The following RUNDC3B variants were observed in gnomAD, a reference collection of about 807,000 sequenced individuals.
The protein encoded by RUNDC3B is RUN domain-containing protein 3B.
In RUNDC3B, 33 loss-of-function variants were observed where a neutral mutation model predicts 58.4. The ratio of observed to expected loss-of-function variants is 0.56; its 90% CI spans 0.43 to 0.75. The LOEUF (loss-of-function observed/expected upper bound fraction) is 0.75, where lower values mean the gene tolerates loss of function less well. Among genes scored for constraint, RUNDC3B ranks in the 30% least tolerant of loss-of-function variants. The pLI, the probability that RUNDC3B is intolerant of heterozygous loss-of-function variation, is 0.00. For synonymous variants in RUNDC3B, 193 were observed against 195.2 expected, an observed-to-expected ratio of 0.99 and a Z score of 0.10; for missense variants, 501 against 535.7, an observed-to-expected ratio of 0.94 and a Z score of 0.64.
chr7:87,741,300 A>G (rs1232219207), intron 5 of RUNDC3B, among the ~76,000 whole-genome samples, 199 bp from the exon 6 acceptor site: 1 of 152,216 alleles, frequency 6.6e-6, no homozygotes, highest in African/African-American at 2.4e-5. Context: ...TAATTTGTAC[A>G]ATGCCTTGTC....
chr7:87,701,865 C>T (rs981748072), intron 3 of RUNDC3B, among the ~76,000 whole-genome samples: 37 of 152,006 alleles, frequency 2.4e-4, no homozygotes, highest in African/African-American at 6.8e-4. Flanking sequence ...AGATACTGGC[C>T]GGGCGCGGTG....
intron 8 of RUNDC3B, among the ~76,000 whole-genome samples, chr7:87,784,829 C>G (rs2130895254): frequency 6.6e-6 from 1 of 152,092 alleles, no homozygotes; most frequent in East Asian, 2.0e-4. Context: ...CCCCTCCTAT[C>G]ATGGATGTCC....
chr7:87,653,389 A>G (rs1003661499), intron 2 of RUNDC3B, among the ~76,000 whole-genome samples: 7 of 152,128 alleles, frequency 4.6e-5, no homozygotes, highest in East Asian at 1.9e-4. Flanking sequence ...ATTGCAACCT[A>G]TTCAAAACTC....
At chr7:87,807,271 A>G (rs1322578930) in intron 8 of RUNDC3B, 102 bp from the exon 9 acceptor site, 4 of 1,114,400 alleles carry the variant, frequency 3.6e-6, no homozygotes, top group Admixed American at 4.3e-5. Context: ...TAACAAACCA[A>G]TTTTATAAGA....
At chr7:87,819,003 A>G (rs1837243197) in intron 10 of RUNDC3B, among the ~76,000 whole-genome samples, 1 of 152,182 alleles carries the variant, frequency 6.6e-6, no homozygotes, top group African/African-American at 2.4e-5. Context: ...GGAACGAGCT[A>G]TGGGGAGTCT....
chr7:87,635,250 A>G (rs1019052394), intron 1 of RUNDC3B, among the ~76,000 whole-genome samples: 4 of 152,114 alleles, frequency 2.6e-5, no homozygotes, highest in South Asian at 2.1e-4. Context: ...TCTATCCCCA[A>G]CTGCTTTTAC....
chr7:87,812,126 T>G (rs1836753658), intron 9 of RUNDC3B, among the ~76,000 whole-genome samples: 1 of 152,182 alleles, frequency 6.6e-6, no homozygotes, highest in South Asian at 2.1e-4. Flanking sequence ...ATATAAAATA[T>G]AAGATTGTAG....
chr7:87,822,886 T>C lies in RUNDC3B; in HGVS notation c.1225+6624T>C, dbSNP rs568944891. 3.9e-5 allele frequency among the ~76,000 whole-genome samples: 6 copies of C among 152,062 alleles called. No individual in the cohort carries two copies. The East Asian group carries it at 1.2e-3, about 29-fold the overall frequency. ...GGGAACATCACACTCCAGGGACTGTTGTGGGGTAGGGGTAGTGGGGAGGGA... is the reference window on the plus strand; with the variant it reads ...GGGAACATCACACTCCAGGGACTGTCGTGGGGTAGGGGTAGTGGGGAGGGA... On this transcript the variant is annotated intron_variant, in intron 10 of 10. Transcript: ENST00000394654.
intron 6 of RUNDC3B, among the ~76,000 whole-genome samples, chr7:87,768,203 G>A (rs1834080690): frequency 1.3e-5 from 2 of 152,302 alleles, no homozygotes; most frequent in Non-Finnish European, 2.9e-5. Flanking sequence ...GAAGGGCACA[G>A]TCACCCATCT....
chr7:87,709,470 A>C, intron 3 of RUNDC3B: 1 of 985,424 alleles, frequency 1.0e-6, no homozygotes, highest in Non-Finnish European at 1.2e-6. Flanking sequence ...GGAACAATGG[A>C]CTGAGCACAG....
intron 2 of RUNDC3B, among the ~76,000 whole-genome samples, chr7:87,694,758 G>T (rs761470632): frequency 2.6e-5 from 4 of 151,780 alleles, no homozygotes; most frequent in African/African-American, 4.8e-5. Context: ...CTGGTGGAAG[G>T]GAAAAAACAA....
chr7:87,817,873 T>C (rs1487291020), intron 10 of RUNDC3B, among the ~76,000 whole-genome samples: 1 of 152,212 alleles, frequency 6.6e-6, no homozygotes, highest in Non-Finnish European at 1.5e-5. Context: ...ATTAAACATT[T>C]ATTGATCAAG....
At chr7:87,825,811 A>T (rs1837774066) in intron 10 of RUNDC3B, among the ~76,000 whole-genome samples, 1 of 152,142 alleles carries the variant, frequency 6.6e-6, no homozygotes, top group Non-Finnish European at 1.5e-5. Flanking sequence ...TCATTTTGGA[A>T]CCTTAAGATT....
At chr7:87,799,960 A>T (rs994350149) in intron 8 of RUNDC3B, among the ~76,000 whole-genome samples, 5 of 152,028 alleles carry the variant, frequency 3.3e-5, no homozygotes, top group African/African-American at 7.2e-5. Context: ...ACAATTTGCT[A>T]TATTGCTGAT....
chr7:87,741,601 G>A lies in RUNDC3B; in HGVS notation c.629+22G>A, dbSNP rs201708838. 1.4e-5 allele frequency: 19 copies of A among 1,361,744 alleles called. No individual in the cohort carries two copies. The African/African-American group carries it at 1.5e-4, about 10-fold the overall frequency. 84.4% of individuals were successfully genotyped at this position (1,361,744 alleles called of 1,614,324 possible). ...AAAGGTATGTGACATTTTGAGATAT[G>A]TTTTTTAAAATCTTATTTAAAATTG... On this transcript the variant is annotated intron_variant, in intron 6 of 10. Transcript: ENST00000394654.
intron 4 of RUNDC3B, among the ~76,000 whole-genome samples, chr7:87,723,405 T>C (rs1376989321): frequency 6.6e-6 from 1 of 152,186 alleles, no homozygotes; most frequent in Non-Finnish European, 1.5e-5. Context: ...GGAAGTTGTT[T>C]AGAAATGCCC....
chr7:87,777,675 A>T, intron 7 of RUNDC3B, 123 bp from the exon 8 acceptor site: 1 of 679,676 alleles, frequency 1.5e-6, no homozygotes, highest in Non-Finnish European at 2.4e-6. Flanking sequence ...ATTTATCAGT[A>T]ATGCTTTGAA....
chr7:87,714,734 G>A (rs1196842354), intron 4 of RUNDC3B, among the ~76,000 whole-genome samples: 6 of 151,958 alleles, frequency 3.9e-5, no homozygotes, highest in South Asian at 2.1e-4. Context: ...AGATGAGGAC[G>A]TTTATAGCCC....
intron 6 of RUNDC3B, among the ~76,000 whole-genome samples, chr7:87,759,012 A>G (rs199566319): frequency 2.6e-5 from 4 of 152,308 alleles, no homozygotes; most frequent in East Asian, 3.9e-4. Context: ...CAGTAAGTAT[A>G]TGAAAGAGAT....
Sources: gnomAD v4.1 joint callset for allele counts (sites outside exome capture counted in the v4.1 genomes callset) on GRCh38, gnomAD v4.1.1 for gene constraint, MANE v1.5 for transcripts, NCBI Gene and HGNC (gene_info 2026-07-23, HGNC 2026-07-21) for gene names.